Variants in PKNOX2 observed in about 807,000 individuals in gnomAD.
The protein encoded by PKNOX2 is PBX/knotted 1 homeobox 2.
A neutral mutation model predicts 53.1 loss-of-function variants in PKNOX2; 14 were observed. The ratio of observed to expected loss-of-function variants is 0.26; its 90% confidence interval spans 0.17 to 0.41. The LOEUF is 0.41. Among genes scored for constraint, PKNOX2 ranks in the 10% least tolerant of loss-of-function variants. The probability of loss-of-function intolerance (pLI) is 1.00; values close to 1 mark genes in which losing one functional copy is unlikely to be tolerated. For synonymous variants in PKNOX2, 257 were observed against 242.8 expected, an observed-to-expected ratio of 1.06 and a Z score of -0.54; for missense variants, 496 against 602.8, an observed-to-expected ratio of 0.82 and a Z score of 1.85.
chr11:125,178,609 GGAAAGAAAGAAAGAAAGAAAGAAA>G (rs369928323), intron 1 of PKNOX2, among the ~76,000 whole-genome samples: 1 of 46,260 alleles, frequency 2.2e-5, no homozygotes, highest in African/African-American at 1.3e-4. Context: ...AAGGAAGGAA[GGAAAGAAAGAAAGAAAGAAAGAAA>G]GAAAGAAAGA....
At chr11:125,431,103 C>G in intron 12 of PKNOX2, 63 bp from the exon 13 acceptor site, 1 of 1,563,420 alleles carries the variant, frequency 6.4e-7, no homozygotes, top group Non-Finnish European at 8.7e-7. Flanking sequence ...CCCTGTCCAA[C>G]ACAGAGGTGC....
At chr11:125,245,652 A>T (rs1056153689) in intron 2 of PKNOX2, among the ~76,000 whole-genome samples, 4 of 152,194 alleles carry the variant, frequency 2.6e-5, no homozygotes, top group African/African-American at 9.7e-5. Context: ...GGGACCTATG[A>T]TGGGTAAGCT....
chr11:125,371,257 T>A (rs1952525320), intron 5 of PKNOX2, among the ~76,000 whole-genome samples: 3 of 152,054 alleles, frequency 2.0e-5, no homozygotes, highest in African/African-American at 4.8e-5. Flanking sequence ...GGTAATTGTG[T>A]TTGTGGCCCA....
At chr11:125,285,358 G>T (rs1245630029) in intron 2 of PKNOX2, among the ~76,000 whole-genome samples, 1 of 152,096 alleles carries the variant, frequency 6.6e-6, no homozygotes, top group Non-Finnish European at 1.5e-5. Context: ...GATATTGAAG[G>T]GTATTAGACA....
intron 7 of PKNOX2, among the ~76,000 whole-genome samples, chr11:125,398,671 C>T (rs537988413): frequency 6.6e-6 from 1 of 151,808 alleles, no homozygotes; most frequent in Admixed American, 6.6e-5. Flanking sequence ...CTGGGAAATG[C>T]AGAAATGCTG....
intron 2 of PKNOX2, among the ~76,000 whole-genome samples, chr11:125,285,113 G>A (rs747991399): frequency 7.9e-5 from 12 of 152,176 alleles, no homozygotes; most frequent in Non-Finnish European, 1.2e-4. Flanking sequence ...GCATTGTGGC[G>A]CCTAAAGCAA....
intron 3 of PKNOX2, among the ~76,000 whole-genome samples, chr11:125,338,847 T>A (rs912762196): frequency 2.6e-5 from 4 of 152,244 alleles, no homozygotes; most frequent in African/African-American, 9.6e-5. Flanking sequence ...AGTGAAGGCA[T>A]GATCTTGAAC....
At chr11:125,303,133 G>A (rs1948188893) in intron 2 of PKNOX2, among the ~76,000 whole-genome samples, 2 of 152,232 alleles carry the variant, frequency 1.3e-5, no homozygotes, top group African/African-American at 4.8e-5. Context: ...CTGTGTCTCC[G>A]TACCCTCCAA....
intron 10 of PKNOX2, among the ~76,000 whole-genome samples, chr11:125,428,404 C>T (rs1056114547): frequency 3.3e-5 from 5 of 152,250 alleles, no homozygotes; most frequent in Admixed American, 6.5e-5. Flanking sequence ...AATACCTAAC[C>T]TGCCTGCCTT....
chr11:125,410,388 G>A (rs747289849), intron 8 of PKNOX2, 63 bp downstream of exon 8: 25 of 1,600,640 alleles, frequency 1.6e-5, no homozygotes, highest in East Asian at 6.7e-5. Context: ...GGGTGGCCCC[G>A]AGGCGGTTCC....
intron 3 of PKNOX2, among the ~76,000 whole-genome samples, chr11:125,332,984 G>T (rs1292947481): frequency 6.6e-6 from 1 of 152,184 alleles, no homozygotes; most frequent in Non-Finnish European, 1.5e-5. Flanking sequence ...GAGAGCTGTG[G>T]CTCCTCGCGG....
chr11:125,394,984 A>G (rs1954295697), intron 6 of PKNOX2, among the ~76,000 whole-genome samples: 1 of 140,914 alleles, frequency 7.1e-6, no homozygotes, highest in African/African-American at 2.7e-5. Flanking sequence ...GTGTGTGTGT[A>G]CATGTAATTA....
intron 2 of PKNOX2, among the ~76,000 whole-genome samples, chr11:125,308,054 A>G (rs1157823875): frequency 6.6e-6 from 1 of 152,238 alleles, no homozygotes; most frequent in Non-Finnish European, 1.5e-5. Flanking sequence ...GGGCAAAGGC[A>G]CAGAGATGAT....
At chr11:125,280,827 C>T (rs1946508434) in intron 2 of PKNOX2, among the ~76,000 whole-genome samples, 2 of 152,180 alleles carry the variant, frequency 1.3e-5, no homozygotes, top group East Asian at 1.9e-4. Flanking sequence ...CTGGTTGTCA[C>T]GATGCCAGGG....
intron 3 of PKNOX2, among the ~76,000 whole-genome samples, chr11:125,347,851 GC>G (rs1951065411): frequency 1.3e-5 from 2 of 152,198 alleles, no homozygotes; most frequent in Non-Finnish European, 2.9e-5. Context: ...TTCCCTGTGA[GC>G]CTGTTCGCGA....
At chr11:125,271,350 A>G (rs187810418) in intron 2 of PKNOX2, among the ~76,000 whole-genome samples, 2 of 152,348 alleles carry the variant, frequency 1.3e-5, no homozygotes, top group Non-Finnish European at 2.9e-5. Flanking sequence ...TCAATCTGAC[A>G]AGACACTCAT....
chr11:125,386,874 C>A (rs1953675046), intron 6 of PKNOX2, among the ~76,000 whole-genome samples: 1 of 152,128 alleles, frequency 6.6e-6, no homozygotes, highest in Non-Finnish European at 1.5e-5. Context: ...GCCAGGAGAG[C>A]CCACCCTAGC....
chr11:125,393,343 C>T (rs1489492303), intron 6 of PKNOX2, among the ~76,000 whole-genome samples: 1 of 152,090 alleles, frequency 6.6e-6, no homozygotes, highest in Non-Finnish European at 1.5e-5. Context: ...CTACAGAAGG[C>T]ACTTTACATT....
chr11:125,302,697 A>G (rs750338), intron 2 of PKNOX2, among the ~76,000 whole-genome samples: 45,835 of 152,108 alleles, frequency 0.3, 7,986 homozygotes, highest in East Asian at 0.55. Context: ...ACCTAACGGG[A>G]AAGCAGAGAG....
Sources: allele counts gnomAD v4.1 joint callset (sites outside exome capture counted in the v4.1 genomes callset), GRCh38; gene constraint gnomAD v4.1.1; transcripts MANE v1.5; gene names NCBI Gene and HGNC (gene_info 2026-07-23, HGNC 2026-07-21).